Variants in DLG1 observed in about 807,000 individuals in gnomAD.
DLG1 encodes discs large MAGUK scaffold protein 1.
DLG1 carries 42 observed loss-of-function variants against 123.4 expected under a neutral mutation model. That is an observed-to-expected ratio of 0.34 (90% CI 0.27 to 0.44). The LOEUF (loss-of-function observed/expected upper bound fraction) is 0.44, where lower values mean the gene tolerates loss of function less well. DLG1 is among the 20% of genes least tolerant of loss of function. DLG1 has a pLI of 1.00. For missense variants in DLG1, 942 were observed against 1,082.6 expected (o/e 0.87, Z 1.82); for synonymous variants, 317 against 356.2 (o/e 0.89, Z 1.24).
intron 16 of DLG1, among the ~76,000 whole-genome samples, chr3:197,084,026 G>C (rs2149092737): frequency 6.6e-6 from 1 of 152,062 alleles, no homozygotes; most frequent in South Asian, 2.1e-4. Flanking sequence ...ATCATTAAAA[G>C]CAAAGAGAAA....
chr3:197,260,586 G>A (rs1233189269), intron 4 of DLG1: 1 of 154,238 alleles, frequency 6.5e-6, no homozygotes, highest in Admixed American at 6.6e-5. Context: ...TATTCCACAA[G>A]AGTCCACTGC....
chr3:197,144,420 G>A (rs764545804), intron 6 of DLG1, among the ~76,000 whole-genome samples: 10 of 152,130 alleles, frequency 6.6e-5, no homozygotes, highest in Non-Finnish European at 1.5e-4. Context: ...TCAGCCACGT[G>A]AATAAGGCTA....
chr3:197,190,352 A>T (rs1246020171), intron 5 of DLG1, among the ~76,000 whole-genome samples: 5 of 147,366 alleles, frequency 3.4e-5, no homozygotes, highest in Non-Finnish European at 5.9e-5. Flanking sequence ...GAATCCTCGC[A>T]TACTGTACCC....
intron 5 of DLG1, among the ~76,000 whole-genome samples, chr3:197,167,760 T>G (rs182961168): frequency 6.6e-6 from 1 of 152,240 alleles, no homozygotes; most frequent in Non-Finnish European, 1.5e-5. Context: ...AGTTTGCACA[T>G]AGGCATACAT....
At chr3:197,164,392 G>A (rs1201487373) in intron 5 of DLG1, among the ~76,000 whole-genome samples, 5 of 151,468 alleles carry the variant, frequency 3.3e-5, no homozygotes, top group African/African-American at 1.2e-4. Flanking sequence ...GTGAGACTCT[G>A]TCTCCCCCTC....
At chr3:197,120,306 T>A (rs893804101) in intron 11 of DLG1, among the ~76,000 whole-genome samples, 5 of 148,602 alleles carry the variant, frequency 3.4e-5, no homozygotes, top group Non-Finnish European at 7.4e-5. Context: ...AAACCAAACG[T>A]TGGTTCACTT....
rs139457825 is a variant in DLG1 at position 197,140,060 on chromosome 3, G to A, written c.713+80C>T. Reference sequence around the variant, plus strand: ...GTTATCATGATCGTGTTTGTTATTTGTATTTATCCCTTATCCAGTCTGCTT... The same window carrying A: ...GTTATCATGATCGTGTTTGTTATTTATATTTATCCCTTATCCAGTCTGCTT... On this transcript the variant is annotated intron_variant, in intron 8 of 24. Coordinates refer to ENST00000667157, the MANE Select transcript of DLG1 (RefSeq NM_001366207.1). The A allele has an allele frequency of 6.5e-4, 959 of 1,483,896 alleles. 7 individuals are homozygous for A. Among genetic ancestry groups the A allele is most frequent in the African/African-American group, 4.5e-3 (323 of 71,578 alleles). The allele number at this position is 1,483,896 out of a possible 1,614,324, so 91.9% of individuals were successfully genotyped here. A position where few individuals can be genotyped will look rare whatever the true frequency, so the allele number is the denominator to read the frequency against.
In DLG1 at chr3:197,042,969, A is replaced by G. The variant is rs765695304; in HGVS notation, c.*1654T>C. ...TTTATTAGCTGTTCTCCTCTTCTTCATAAATGGAATGGATAATGTTGATAA... is the reference window on the plus strand; with the variant it reads ...TTTATTAGCTGTTCTCCTCTTCTTCGTAAATGGAATGGATAATGTTGATAA... On this transcript the variant is annotated 3_prime_UTR_variant, in exon 25 of 25. Transcript: ENST00000667157. The G allele has an allele frequency of 1.6e-4, 25 of 152,238 alleles. No individual in the cohort carries two copies. The highest frequency in any genetic ancestry group is 2.8e-4 in the Non-Finnish European group (19 of 68,050). The allele number at this position is 152,238 out of a possible 1,614,324, so 9.4% of individuals were successfully genotyped here.
intron 4 of DLG1, among the ~76,000 whole-genome samples, chr3:197,276,655 A>G (rs1766572442): frequency 6.6e-6 from 1 of 152,154 alleles, no homozygotes; most frequent in South Asian, 2.1e-4. Flanking sequence ...ACTGGAAATT[A>G]AAATTAATCC....
Position 197,081,082 on chromosome 3 carries a change from A to G in DLG1, c.1874T>C (p.Val625Ala). The change falls in exon 17 of 25, where the codon GTG becomes GCG. Residue 625 changes from valine (V) to alanine (A), a missense_variant. By Grantham distance (64) the Val-to-Ala change is moderately conservative. Coordinates refer to ENST00000667157, the MANE Select transcript of DLG1 (RefSeq NM_001366207.1). ...ATCTCTCGTTTTAGAATTGAATTTCACTGTTTTTAATCGGGCTCGTTCTTT... is the reference window on the plus strand; with the variant it reads ...ATCTCTCGTTTTAGAATTGAATTTCGCTGTTTTTAATCGGGCTCGTTCTTT... ...EKKERARLKT[V>A]KFNSKTRDKG... 6.2e-7 allele frequency: 1 copy of G among 1,613,368 alleles called. No homozygotes were observed. Among genetic ancestry groups the G allele is most frequent in the Non-Finnish European group, 8.5e-7 (1 of 1,179,606 alleles).
intron 4 of DLG1, among the ~76,000 whole-genome samples, chr3:197,269,731 G>C (rs903261932): frequency 6.6e-6 from 1 of 152,118 alleles, no homozygotes. Flanking sequence ...TGTATGTTAG[G>C]AGGCTATAGC....
intron 4 of DLG1, among the ~76,000 whole-genome samples, chr3:197,249,452 A>T (rs1204268649): frequency 6.6e-6 from 1 of 150,630 alleles, no homozygotes; most frequent in East Asian, 1.9e-4. Context: ...AAAACAAAAA[A>T]TTAAGTCTCC....
At position 197,194,536 on chromosome 3, in the gene DLG1, T is replaced by C; in HGVS notation, c.372A>G (p.Gln124=). ...CTGGACCTATCACTTCATTTGTGAT[T>C]TGTGGGGAAATATGCTCTTGAGGAG... ...DTPPQEHISP[Q]ITNEVIGPEL... The change falls in exon 5 of 25, where the codon CAA becomes CAG. Residue 124 remains glutamine (Q), a synonymous_variant. Coordinates refer to ENST00000667157, the MANE Select transcript of DLG1 (RefSeq NM_001366207.1). The C allele has an allele frequency of 6.2e-7, 1 of 1,606,208 alleles. No individual in the cohort carries two copies. Among genetic ancestry groups the C allele is most frequent in the African/African-American group, 1.3e-5 (1 of 74,536 alleles).
intron 11 of DLG1, among the ~76,000 whole-genome samples, chr3:197,125,174 T>C (rs1218125067): frequency 6.6e-6 from 1 of 152,150 alleles, no homozygotes; most frequent in Non-Finnish European, 1.5e-5. Context: ...AGTGAGATCA[T>C]CATTCATGAA....
chr3:197,059,203 A>G (rs1211578), intron 23 of DLG1, among the ~76,000 whole-genome samples: 5 of 152,084 alleles, frequency 3.3e-5, no homozygotes, highest in Admixed American at 1.3e-4. Flanking sequence ...GGGATTACAG[A>G]CGTGAGCCAC....
At chr3:197,170,972 T>A (rs915820020) in intron 5 of DLG1, among the ~76,000 whole-genome samples, 2 of 152,200 alleles carry the variant, frequency 1.3e-5, no homozygotes, top group Non-Finnish European at 2.9e-5. Flanking sequence ...TTGGTACCAA[T>A]ATCTTAGATG....
At chr3:197,295,391 A>T (rs1776918340) in intron 3 of DLG1, among the ~76,000 whole-genome samples, 2 of 152,162 alleles carry the variant, frequency 1.3e-5, no homozygotes, top group Non-Finnish European at 2.9e-5. Context: ...ATGTAAGGCC[A>T]TATCTGACTG....
chr3:197,263,764 G>A (rs549774847), intron 4 of DLG1, among the ~76,000 whole-genome samples: 1 of 152,258 alleles, frequency 6.6e-6, no homozygotes, highest in East Asian at 1.9e-4. Context: ...TCCAGGCTGG[G>A]CGACAAAGTG....
intron 13 of DLG1, among the ~76,000 whole-genome samples, chr3:197,107,293 C>T (rs1767027123): frequency 6.6e-6 from 1 of 152,090 alleles, no homozygotes; most frequent in Non-Finnish European, 1.5e-5. Context: ...GCCTGTAATC[C>T]CAGCACTTTG....
Sources: allele counts gnomAD v4.1 joint callset (sites outside exome capture counted in the v4.1 genomes callset), GRCh38; gene constraint gnomAD v4.1.1; transcripts MANE v1.5; gene names NCBI Gene and HGNC (gene_info 2026-07-23, HGNC 2026-07-21).